The following DACT2 variants were observed in gnomAD, a reference collection of about 807,000 sequenced individuals.
DACT2 encodes the protein dishevelled binding antagonist of beta catenin 2.
Under a neutral mutation model 22.2 loss-of-function variants are expected in DACT2, and 20 were observed. The ratio of observed to expected loss-of-function variants is 0.90; its 90% CI spans 0.63 to 1.31. The LOEUF is 1.31. Among genes scored for constraint, DACT2 ranks in the 50% most tolerant of loss-of-function variants. The pLI is 0.00. For missense variants in DACT2, 1,048 were observed against 1,061.4 expected, an observed-to-expected ratio of 0.99 and a Z score of 0.18; for synonymous variants, 463 against 479.8, an observed-to-expected ratio of 0.96 and a Z score of 0.46.
chr6:168,312,592 G>T (rs1779448920), intron 1 of DACT2, among the ~76,000 whole-genome samples: 1 of 151,984 alleles, frequency 6.6e-6, no homozygotes, highest in South Asian at 2.1e-4. Flanking sequence ...TAATGAGCAT[G>T]TGTGTGTGTG....
rs9346684 is a variant in DACT2 at position 168,294,397 on chromosome 6, G to A, written c.731-200C>T. On this transcript the variant is annotated intron_variant, in intron 4 of 5. Transcript: ENST00000366796. ...GAGGTGCAGCCCGTGGGCGGAGCGT[G>A]CACGTGGGGTTCACCTGGAGCATTG... Among the ~76,000 whole-genome samples the A allele has an allele frequency of 2.3e-4, 35 of 151,940 alleles. 1 individual carries two copies. In the East Asian group the frequency reaches 6.8e-3, roughly 30 times the overall value.
intron 1 of DACT2, among the ~76,000 whole-genome samples, chr6:168,313,539 C>G (rs1420439336): frequency 2.0e-5 from 3 of 152,174 alleles, no homozygotes; most frequent in African/African-American, 4.8e-5. Flanking sequence ...CACAGGCGGG[C>G]TCTCCCACAC....
rs1326904340 is a variant in DACT2, at chr6:168,319,447, C to T, written c.187G>A (p.Gly63Ser). ...PAPAAPCGPHGLHGPEQQLEA... is the reference protein window; with the variant it reads ...PAPAAPCGPHSLHGPEQQLEA... ...AGCTGCTGCTCGGGGCCGTGGAGGCCGTGGGGGCCGCAGGGCGCGGCGGGC... is the reference window on the plus strand; with the variant it reads ...AGCTGCTGCTCGGGGCCGTGGAGGCTGTGGGGGCCGCAGGGCGCGGCGGGC... The change falls in exon 1 of 4, where the codon GGC becomes AGC. Residue 63 changes from glycine (G) to serine (S), a missense_variant. Coordinates refer to ENST00000366795, the MANE Select transcript of DACT2 (RefSeq NM_214462.5). The T allele has an allele frequency of 1.7e-6, 2 of 1,204,012 alleles. No homozygotes were observed. The highest frequency in any genetic ancestry group is 3.2e-5 in the African/African-American group (2 of 62,950). 74.6% of individuals were successfully genotyped at this position (1,204,012 alleles called of 1,614,324 possible).
chr6:168,318,743 G>C (rs1232652865), intron 1 of DACT2, among the ~76,000 whole-genome samples: 1 of 152,124 alleles, frequency 6.6e-6, no homozygotes, highest in Non-Finnish European at 1.5e-5. Flanking sequence ...GAGGGCCCGT[G>C]GCAGGGAAAT....
Position 168,307,099 on chromosome 6 carries a change from T to G in DACT2, c.*333A>C. The G allele has an allele frequency of 2.8e-6, 3 of 1,081,198 alleles. No homozygotes were observed. Among genetic ancestry groups the G allele is most frequent in the Admixed American group, 4.8e-5 (1 of 20,878 alleles). The allele number at this position is 1,081,198 out of a possible 1,614,324, so 67.0% of individuals were successfully genotyped here. Reference sequence around the variant, plus strand: ...AAACACTTCCCCAGCCAGAGGGGAGTGAGGGCAGGGGAAGCCATGGGAGGA... The same window carrying G: ...AAACACTTCCCCAGCCAGAGGGGAGGGAGGGCAGGGGAAGCCATGGGAGGA... On this transcript the variant is annotated 3_prime_UTR_variant, in exon 4 of 4. Coordinates refer to ENST00000366795, the MANE Select transcript of DACT2 (RefSeq NM_214462.5). The surrounding 1 kb of genome is among the most constrained non-coding windows in gnomAD (Gnocchi z 5.3).
intron 1 of DACT2, among the ~76,000 whole-genome samples, chr6:168,311,507 CAT>C (rs149768248): frequency 0.044 from 6,621 of 151,082 alleles, 537 homozygotes; most frequent in African/African-American, 0.15. Flanking sequence ...CCCCCACACA[CAT>C]ACACACACAC....
chr6:168,314,272 G>A (rs79534049), intron 1 of DACT2, among the ~76,000 whole-genome samples: 2,120 of 152,276 alleles, frequency 0.014, 47 homozygotes, highest in African/African-American at 0.048. Context: ...AACTCCAGGC[G>A]GCCTTGCTCA....
At chr6:168,293,673 C>A in exon 6 of DACT2, 1 of 569,608 alleles carries the variant, frequency 1.8e-6, no homozygotes, top group South Asian at 2.1e-5. Context: ...CCATTACTCC[C>A]TCACTTCAAC....
chr6:168,310,490 A>G (rs1551988), intron 2 of DACT2, 44 bp from the exon 3 acceptor site: 334,818 of 1,526,032 alleles, frequency 0.22, 38,330 homozygotes, highest in African/African-American at 0.32. Context: ...CCATCCAGAA[A>G]AGCCCAGGGC....
downstream of DACT2, among the ~76,000 whole-genome samples, chr6:168,306,650 C>T (rs1293414334): frequency 1.3e-5 from 2 of 151,510 alleles, no homozygotes; most frequent in Non-Finnish European, 2.9e-5. Context: ...CGGGGTTTCA[C>T]CATGTTGGCC....
At position 168,294,602 on chromosome 6, in the gene DACT2, T is replaced by TATATATATATATAC. The variant is rs768380927; in HGVS notation, c.730+30_730+31insGTATATATATATAT. 5.0e-5 allele frequency: 41 copies of TATATATATATATAC among 812,854 alleles called. No individual in the cohort carries two copies. The African/African-American group carries it at 8.4e-4, about 17-fold the overall frequency. The allele number at this position is 812,854 out of a possible 1,614,324, so 50.4% of individuals were successfully genotyped here. A position where few individuals can be genotyped will look rare whatever the true frequency, so the allele number is the denominator to read the frequency against. ...GTATATATATATATATATATATATA[T>TATATATATATATAC]ACACATATAAAGAAGAACATCCTTC... is the stretch of plus-strand genomic sequence containing the variant. On this transcript the variant is annotated intron_variant, in intron 4 of 5. Transcript: ENST00000366796.
intron 1 of DACT2, among the ~76,000 whole-genome samples, chr6:168,318,443 G>A (rs920846591): frequency 6.6e-6 from 1 of 152,220 alleles, no homozygotes; most frequent in African/African-American, 2.4e-5. Flanking sequence ...CGGTCATGCC[G>A]CAGCTTCACC....
chr6:168,314,447 G>A lies in DACT2; in HGVS notation c.247-3163C>T, dbSNP rs528744606. 2.5e-3 allele frequency among the ~76,000 whole-genome samples: 375 copies of A among 152,312 alleles called. 1 individual carries two copies. Among genetic ancestry groups the A allele is most frequent in the African/African-American group, 8.6e-3 (358 of 41,556 alleles). On this transcript the variant is annotated intron_variant, in intron 1 of 3. Coordinates refer to ENST00000366795, the MANE Select transcript of DACT2 (RefSeq NM_214462.5). ...CCACTCGTTTCTTGAGACTCTACCA[G>A]GTAAGCCTGGGAACCTGCATTTTAA...
chr6:168,319,417 C>A lies in DACT2; in HGVS notation c.217G>T (p.Ala73Ser), dbSNP rs187948845. The A allele has an allele frequency of 4.8e-3, 5,778 of 1,204,390 alleles. 214 individuals carry two copies. In the African/African-American group the frequency reaches 0.08, roughly 17 times the overall value. 74.6% of individuals were successfully genotyped at this position (1,204,390 alleles called of 1,614,324 possible). The change falls in exon 1 of 4, where the codon GCG (alanine) becomes TCG (serine). Residue 73 changes from alanine to serine, a missense_variant. Physicochemically the swap from Ala to Ser is moderately conservative, Grantham distance 99. Coordinates refer to ENST00000366795, the MANE Select transcript of DACT2 (RefSeq NM_214462.5). ...TGCTCCTGCAGCGCGGCCAGCGCCG[C>A]CTCCAGCTGCTGCTCGGGGCCGTGG... ...GLHGPEQQLEAALAALQEQLS... is the reference protein window; with the variant it reads ...GLHGPEQQLESALAALQEQLS...
intron 1 of DACT2, among the ~76,000 whole-genome samples, chr6:168,319,176 GT>G (rs1452758516): frequency 1.3e-5 from 2 of 152,000 alleles, no homozygotes; most frequent in Non-Finnish European, 2.9e-5. Context: ...AGTTTTCAGG[GT>G]CCTCACCTGT....
chr6:168,318,631 G>A (rs1779570450), intron 1 of DACT2, among the ~76,000 whole-genome samples: 1 of 152,154 alleles, frequency 6.6e-6, no homozygotes, highest in South Asian at 2.1e-4. Context: ...TTTCCAGTAA[G>A]TTTAACAAAA....
chr6:168,298,480 T>A (rs1304384753), intron 3 of DACT2: 1 of 152,210 alleles, frequency 6.6e-6, no homozygotes, highest in South Asian at 2.1e-4. Context: ...GGGATCCAAC[T>A]GTATTTAGTG....
exon 6 of DACT2, chr6:168,293,585 T>C (rs746846692): frequency 1.4e-5 from 5 of 363,560 alleles, no homozygotes; most frequent in Non-Finnish European, 2.5e-5. Flanking sequence ...CTTGCAGTCA[T>C]GCTAGAAAAA....
chr6:168,300,059 G>C (rs1220773736), intron 3 of DACT2: 1 of 152,200 alleles, frequency 6.6e-6, no homozygotes. Flanking sequence ...AGTGTCTTCC[G>C]GGCAGACTTC....
Sources: allele counts gnomAD v4.1 joint callset (sites outside exome capture counted in the v4.1 genomes callset), GRCh38; gene constraint gnomAD v4.1.1; non-coding constraint Gnocchi (gnomAD v3.1); transcripts MANE v1.5; gene names NCBI Gene and HGNC (gene_info 2026-07-23, HGNC 2026-07-21).